The following KLF8 variants were observed in gnomAD, a reference collection of about 807,000 sequenced individuals.
KLF8 encodes the protein KLF transcription factor 8, also known as Krueppel-like factor 8.
In KLF8, 10 loss-of-function variants were observed where a neutral mutation model predicts 18.2. The ratio of observed to expected loss-of-function variants is 0.55; its 90% CI spans 0.34 to 0.93. The LOEUF is 0.93. Among genes scored for constraint, KLF8 ranks in the 40% least tolerant of loss-of-function variants. The pLI, the probability that KLF8 is intolerant of heterozygous loss-of-function variation, is 0.02. For missense variants in KLF8, 264 were observed against 277.9 expected, an observed-to-expected ratio of 0.95 and a Z score of 0.36; for synonymous variants, 109 against 97.3, an observed-to-expected ratio of 1.12 and a Z score of -0.71.
chrX:56,182,187 T>C, the KLF8 span, among the ~76,000 whole-genome samples: 1 of 111,939 alleles, frequency 8.9e-6, no homozygotes, highest in Non-Finnish European at 1.9e-5. Flanking sequence ...TCTAAACTTC[T>C]CTTCTCGCTT....
rs1355973598 is a variant in KLF8 at position 56,233,284 on chromosome X, C to A, written c.-51C>A. 1 of 1,204,471 alleles carries A rather than the reference C, an allele frequency of 8.3e-7. No individual in the cohort carries two copies. ...GCGATCAGCTCAGGAGTATGAGCCT[C>A]CCGGAGGACGGCATGAGTTCTGGAC... On this transcript the variant is annotated 5_prime_UTR_variant, in exon 1 of 6. Coordinates refer to ENST00000468660, the MANE Select transcript of KLF8 (RefSeq NM_007250.5).
the KLF8 span, among the ~76,000 whole-genome samples, chrX:56,173,484 C>T: frequency 1.8e-5 from 2 of 111,869 alleles, no homozygotes; most frequent in African/African-American, 6.5e-5. Context: ...CAGTACCATA[C>T]TGTTTTGGTT....
At chrX:56,159,666 T>C in the KLF8 span, among the ~76,000 whole-genome samples, 18 of 112,576 alleles carry the variant, frequency 1.6e-4, no homozygotes, top group Non-Finnish European at 2.6e-4. Context: ...TTTTCTAGTT[T>C]ATTTGCATAG....
the KLF8 span, among the ~76,000 whole-genome samples, chrX:56,013,612 A>T: frequency 9.0e-6 from 1 of 111,210 alleles, no homozygotes; most frequent in African/African-American, 3.3e-5. Context: ...AGATAATTGA[A>T]TCATGGGGGT....
In KLF8 at chrX:56,269,388, C is replaced by T. The variant is rs1402729226; in HGVS notation, c.657C>T (p.Asp219=). Residue 219 remains aspartate (D), a synonymous_variant, in exon 4 of 6, where the codon GAC becomes GAT. Transcript: ENST00000468660. ...TTTCTTTGCTTTTAGTGAAAGTTGA[C>T]CCCACCTCCATGTCTCCACTGGAAA... is the stretch of plus-strand genomic sequence containing the variant. ...DGKNAGSVKV[D]PTSMSPLEIP... 8.3e-7 allele frequency: 1 copy of T among 1,204,697 alleles called. No homozygotes were observed. The highest frequency in any genetic ancestry group is 1.1e-6 in the Non-Finnish European group (1 of 892,877).
At chrX:56,122,778 G>A in the KLF8 span, among the ~76,000 whole-genome samples, 32 of 110,010 alleles carry the variant, frequency 2.9e-4, no homozygotes, top group Admixed American at 2.9e-4. Flanking sequence ...TAATAGAAAC[G>A]GGGTTTCACT....
chrX:56,082,251 T>C, the KLF8 span, among the ~76,000 whole-genome samples: 1 of 112,008 alleles, frequency 8.9e-6, no homozygotes, highest in South Asian at 3.6e-4. Context: ...CAATTGTTTG[T>C]ATTATCCACT....
chrX:55,943,122 T>C, the KLF8 span, among the ~76,000 whole-genome samples: 2 of 110,954 alleles, frequency 1.8e-5, no homozygotes, highest in African/African-American at 6.5e-5. Context: ...TTATTTTTAA[T>C]TTTTGGCATG....
At chrX:55,923,146 A>G in the KLF8 span, among the ~76,000 whole-genome samples, 2 of 111,423 alleles carry the variant, frequency 1.8e-5, no homozygotes, top group Non-Finnish European at 3.8e-5. Context: ...CTATGCAGCT[A>G]TAAAAAGAGA....
the KLF8 span, among the ~76,000 whole-genome samples, chrX:56,116,341 CA>C: frequency 8.9e-6 from 1 of 111,885 alleles, no homozygotes; most frequent in Non-Finnish European, 1.9e-5. Flanking sequence ...TGATGGGATC[CA>C]ATGAGAAGAA....
the KLF8 span, among the ~76,000 whole-genome samples, chrX:56,187,393 C>A: frequency 9.0e-6 from 1 of 111,642 alleles, no homozygotes; most frequent in Non-Finnish European, 1.9e-5. Flanking sequence ...ACCTTACCAA[C>A]CAAAAAGAGT....
At chrX:55,918,135 TAAAG>T in the KLF8 span, among the ~76,000 whole-genome samples, 1 of 111,939 alleles carries the variant, frequency 8.9e-6, no homozygotes, top group Non-Finnish European at 1.9e-5. Context: ...AGTAAGTAGA[TAAAG>T]GAAGTTGTTT....
the KLF8 span, among the ~76,000 whole-genome samples, chrX:56,032,331 A>G: frequency 2.7e-5 from 3 of 110,948 alleles, no homozygotes; most frequent in Non-Finnish European, 5.7e-5. Flanking sequence ...TCATTTTTTT[A>G]TTGAGGTATA....
At chrX:55,935,083 G>A in the KLF8 span, among the ~76,000 whole-genome samples, 11 of 112,203 alleles carry the variant, frequency 9.8e-5, no homozygotes, top group Non-Finnish European at 3.8e-5. Flanking sequence ...ACCTAGCACA[G>A]TCATGGCGTA....
the KLF8 span, among the ~76,000 whole-genome samples, chrX:55,981,322 TCA>T: frequency 3.6e-5 from 4 of 112,459 alleles, no homozygotes; most frequent in South Asian, 1.5e-3. Flanking sequence ...AGTTTAGTGG[TCA>T]CAGTTTGTGA....
the KLF8 span, among the ~76,000 whole-genome samples, chrX:56,191,852 C>G: frequency 3.6e-5 from 4 of 111,304 alleles, no homozygotes; most frequent in Non-Finnish European, 7.6e-5. Flanking sequence ...CCATATATGA[C>G]AGACCCACAG....
the KLF8 span, among the ~76,000 whole-genome samples, chrX:56,197,513 A>G: frequency 7.1e-5 from 8 of 111,950 alleles, no homozygotes. Context: ...TCCTGGACAC[A>G]TACACCCTCC....
chrX:55,948,815 C>A, the KLF8 span, among the ~76,000 whole-genome samples: 1 of 111,963 alleles, frequency 8.9e-6, no homozygotes, highest in African/African-American at 3.2e-5. Flanking sequence ...CTTCCACTGT[C>A]ATGTGACTTA....
chrX:56,128,030 G>C, the KLF8 span, among the ~76,000 whole-genome samples: 1 of 112,099 alleles, frequency 8.9e-6, no homozygotes. Context: ...GCTTGAGCTA[G>C]AATTTGAGCA....
Sources: gnomAD v4.1 joint callset for allele counts (sites outside exome capture counted in the v4.1 genomes callset) on GRCh38, gnomAD v4.1.1 for gene constraint, MANE v1.5 for transcripts, NCBI Gene and HGNC (gene_info 2026-07-23, HGNC 2026-07-21) for gene names.